The following GRIK2 variants were observed in gnomAD, a reference collection of about 807,000 sequenced individuals.
The protein encoded by GRIK2 is glutamate ionotropic receptor kainate type subunit 2, also known as glutamate receptor ionotropic, kainate 2.
In GRIK2, 32 loss-of-function variants were observed where a neutral mutation model predicts 100.3. The ratio of observed to expected loss-of-function variants is 0.32; its 90% CI spans 0.24 to 0.43. GRIK2 has a LOEUF of 0.43. GRIK2 is among the 20% of genes least tolerant of loss of function. The pLI is 1.00. For synonymous variants in GRIK2, 417 were observed against 389.4 expected (o/e 1.07, Z -0.83); for missense variants, 843 against 1,114.9 (o/e 0.76, Z 3.47).
At chr6:101,801,474 T>G (rs1780664323) in intron 8 of GRIK2, among the ~76,000 whole-genome samples, 1 of 152,026 alleles carries the variant, frequency 6.6e-6, no homozygotes, top group Non-Finnish European at 1.5e-5. Context: ...CTCAGAAATT[T>G]AGTAATATTA....
intron 9 of GRIK2, among the ~76,000 whole-genome samples, chr6:101,811,274 T>C (rs572762503): frequency 1.4e-4 from 21 of 152,216 alleles, no homozygotes; most frequent in Middle Eastern, 6.8e-3. Flanking sequence ...TGGAAAACTA[T>C]GGCTTATATT....
chr6:101,543,650 G>A (rs1776106923), intron 2 of GRIK2, among the ~76,000 whole-genome samples: 1 of 152,164 alleles, frequency 6.6e-6, no homozygotes, highest in South Asian at 2.1e-4. Context: ...GCTCTGCCAT[G>A]TGGCTGTGTG....
At chr6:101,464,868 A>T (rs1350467748) in intron 2 of GRIK2, among the ~76,000 whole-genome samples, 1 of 152,092 alleles carries the variant, frequency 6.6e-6, no homozygotes, top group African/African-American at 2.4e-5. Context: ...TCGAGGAAGA[A>T]CAGCATAGGC....
intron 14 of GRIK2, among the ~76,000 whole-genome samples, chr6:102,031,076 TACACACACACACACACACACACACACAC>T (rs55900001): frequency 1.7e-5 from 2 of 118,320 alleles, no homozygotes; most frequent in Non-Finnish European, 1.8e-5. Context: ...TATTATGCAT[TACACACACACACACACACACACACACAC>T]ACACACACAC....
chr6:101,555,280 C>A (rs1225671928), intron 2 of GRIK2, among the ~76,000 whole-genome samples: 3 of 152,206 alleles, frequency 2.0e-5, no homozygotes, highest in East Asian at 3.9e-4. Flanking sequence ...GTGTGCTGTG[C>A]CGGGAAGTAT....
At chr6:101,763,006 G>GATTCCA (rs1326340012) in intron 7 of GRIK2, among the ~76,000 whole-genome samples, 1 of 152,192 alleles carries the variant, frequency 6.6e-6, no homozygotes, top group African/African-American at 2.4e-5. Context: ...AGCAGGTATA[G>GATTCCA]ATTCCAGGGC....
At chr6:101,612,679 C>T (rs1233510847) in intron 2 of GRIK2, among the ~76,000 whole-genome samples, 1 of 150,802 alleles carries the variant, frequency 6.6e-6, no homozygotes, top group Non-Finnish European at 1.5e-5. Context: ...ATTTCAAAAG[C>T]TCACAATGAG....
chr6:101,925,811 C>T (rs1789850781), intron 13 of GRIK2, among the ~76,000 whole-genome samples: 2 of 151,832 alleles, frequency 1.3e-5, no homozygotes, highest in South Asian at 4.1e-4. Flanking sequence ...AATGTTGTTT[C>T]TAAAAAAGGC....
Position 102,006,390 on chromosome 6 carries a change from A to ATATATATTTT in GRIK2, c.2086-28950_2086-28949insATATATTTTT, listed in dbSNP as rs1315524835. ...CTTTTATATATATATATATATATAT[A>ATATATATTTT]TTTTTTTTTTTTTTGAGACATACAG... On this transcript the variant is annotated intron_variant, in intron 14 of 16. Transcript: ENST00000369134. 1.4e-3 allele frequency among the ~76,000 whole-genome samples: 159 copies of ATATATATTTT among 114,076 alleles called. 1 individual carries two copies. Among genetic ancestry groups the ATATATATTTT allele is most frequent in the African/African-American group, 6.9e-3 (150 of 21,892 alleles). 74.8% of individuals were successfully genotyped at this position (114,076 alleles called of 152,430 possible).
chr6:101,675,052 T>C (rs892862497), intron 4 of GRIK2, among the ~76,000 whole-genome samples: 1 of 152,162 alleles, frequency 6.6e-6, no homozygotes, highest in Admixed American at 6.6e-5. Context: ...TCTAGCTATT[T>C]TGAAGTAAAT....
intron 4 of GRIK2, among the ~76,000 whole-genome samples, chr6:101,661,772 C>G (rs773223611): frequency 6.6e-6 from 1 of 152,084 alleles, no homozygotes; most frequent in Non-Finnish European, 1.5e-5. Context: ...CGATGCCCCA[C>G]CATGATTTGG....
At chr6:101,889,888 T>G (rs944040802) in intron 12 of GRIK2, 25 bp downstream of exon 12, 1 of 1,432,234 alleles carries the variant, frequency 7.0e-7, no homozygotes, top group African/African-American at 1.4e-5. Flanking sequence ...TTTGTGATTT[T>G]TTTGGCAATT....
chr6:102,024,483 A>G (rs1769589128), intron 14 of GRIK2, among the ~76,000 whole-genome samples: 1 of 151,330 alleles, frequency 6.6e-6, no homozygotes, highest in South Asian at 2.1e-4. Context: ...AGAAGCAAAC[A>G]TCTGTATCCA....
chr6:101,615,055 C>T (rs1027678037), intron 2 of GRIK2, among the ~76,000 whole-genome samples: 18 of 151,664 alleles, frequency 1.2e-4, no homozygotes, highest in African/African-American at 4.4e-4. Context: ...CTGTGTAAAC[C>T]AGGGATCACT....
At chr6:101,831,028 G>T (rs1782645550) in intron 10 of GRIK2, among the ~76,000 whole-genome samples, 1 of 151,988 alleles carries the variant, frequency 6.6e-6, no homozygotes, top group African/African-American at 2.4e-5. Flanking sequence ...CCACATTCTT[G>T]GTTGACAGGG....
chr6:101,744,111 T>A lies in GRIK2; in HGVS notation c.952-55537T>A, dbSNP rs190625184. 8.9e-4 allele frequency among the ~76,000 whole-genome samples: 135 copies of A among 151,964 alleles called. 2 individuals carry two copies. In the East Asian group the frequency reaches 0.011, roughly 12 times the overall value. Reference sequence around the variant, plus strand: ...GCGCCCGCCACCACGCCCGGCTAATTTTTTGTGTTTTTAGTAGAGACGGGG... The same window carrying A: ...GCGCCCGCCACCACGCCCGGCTAATATTTTGTGTTTTTAGTAGAGACGGGG... On this transcript the variant is annotated intron_variant, in intron 7 of 16. Transcript: ENST00000369134.
At chr6:102,033,435 G>C (rs1037457950) in intron 14 of GRIK2, among the ~76,000 whole-genome samples, 1 of 151,220 alleles carries the variant, frequency 6.6e-6, no homozygotes, top group African/African-American at 2.4e-5. Flanking sequence ...AGTGGGTTGG[G>C]GGAGTCATCA....
intron 2 of GRIK2, among the ~76,000 whole-genome samples, chr6:101,572,662 T>G (rs1777592450): frequency 6.6e-6 from 1 of 151,634 alleles, no homozygotes; most frequent in Non-Finnish European, 1.5e-5. Context: ...TATGCTGTAG[T>G]TCAAAACGTA....
At chr6:101,659,297 C>T (rs1040419797) in intron 4 of GRIK2, among the ~76,000 whole-genome samples, 5 of 152,078 alleles carry the variant, frequency 3.3e-5, no homozygotes, top group Non-Finnish European at 7.4e-5. Flanking sequence ...TGTTTTTTGT[C>T]AGGTTTGTCC....
Sources: allele counts gnomAD v4.1 joint callset (sites outside exome capture counted in the v4.1 genomes callset), GRCh38; gene constraint gnomAD v4.1.1; transcripts MANE v1.5; gene names NCBI Gene and HGNC (gene_info 2026-07-23, HGNC 2026-07-21).